The following ETV6 variants were observed in gnomAD, a reference collection of about 807,000 sequenced individuals.
ETV6 encodes the protein transcription factor ETV6.
Under a neutral mutation model 51.1 loss-of-function variants are expected in ETV6, and 16 were observed. That is an observed-to-expected ratio of 0.31 (90% confidence interval 0.21 to 0.48). The LOEUF (loss-of-function observed/expected upper bound fraction) is 0.48, where lower values mean the gene tolerates loss of function less well. Among genes scored for constraint, ETV6 ranks in the 20% least tolerant of loss-of-function variants. The pLI, the probability that ETV6 is intolerant of heterozygous loss-of-function variation, is 0.99. For missense variants in ETV6, 458 were observed against 594.8 expected, an observed-to-expected ratio of 0.77 and a Z score of 2.39; for synonymous variants, 240 against 224.1, an observed-to-expected ratio of 1.07 and a Z score of -0.64.
chr12:11,770,379 C>T (rs956023918), intron 2 of ETV6, among the ~76,000 whole-genome samples: 1 of 151,960 alleles, frequency 6.6e-6, no homozygotes, highest in Admixed American at 6.6e-5. Context: ...CTCACGCTTA[C>T]TAGATGCTGG....
intron 2 of ETV6, among the ~76,000 whole-genome samples, chr12:11,827,802 T>C (rs1946180923): frequency 6.6e-6 from 1 of 151,812 alleles, no homozygotes; most frequent in African/African-American, 2.4e-5. Flanking sequence ...TTCTGCAGAC[T>C]GTGCCGGGCA....
intron 1 of ETV6, among the ~76,000 whole-genome samples, chr12:11,713,763 C>T (rs1865217427): frequency 6.6e-6 from 1 of 152,216 alleles, no homozygotes; most frequent in East Asian, 1.9e-4. Context: ...CCCACTAGGA[C>T]AGTGGTTCTT....
chr12:11,706,622 C>T (rs919788993), intron 1 of ETV6, among the ~76,000 whole-genome samples: 2 of 152,182 alleles, frequency 1.3e-5, no homozygotes, highest in Non-Finnish European at 2.9e-5. Flanking sequence ...GATAGTAGGG[C>T]CACCTGCACT....
intron 2 of ETV6, among the ~76,000 whole-genome samples, chr12:11,808,444 C>CA (rs76127717): frequency 0.044 from 6,038 of 135,774 alleles, 392 homozygotes; most frequent in African/African-American, 0.15. Flanking sequence ...AAACAAAAAA[C>CA]AAAAAAAAAA....
chr12:11,772,583 ACT>A (rs1945257738), intron 2 of ETV6, among the ~76,000 whole-genome samples: 1 of 152,220 alleles, frequency 6.6e-6, no homozygotes, highest in African/African-American at 2.4e-5. Context: ...GTTAAACTAC[ACT>A]GAGTCAAGGA....
intron 1 of ETV6, among the ~76,000 whole-genome samples, chr12:11,747,867 T>A (rs902665943): frequency 6.6e-6 from 1 of 152,202 alleles, no homozygotes; most frequent in African/African-American, 2.4e-5. Flanking sequence ...CCACTTGAAA[T>A]TTTTGCAGCC....
rs553741975 is a variant in ETV6, at chr12:11,869,643, A to G, written c.683A>G (p.Asn228Ser). The change falls in exon 5 of 8, where the codon AAC (asparagine) becomes AGC (serine). Residue 228 changes from asparagine (N) to serine (S), a missense_variant. This residue lies in a region of ETV6 where 293 missense variants were observed against 315.7 expected (regional missense o/e 0.93). Coordinates refer to ENST00000396373, the MANE Select transcript of ETV6 (RefSeq NM_001987.5). The surrounding 1 kb of genome is among the most constrained non-coding windows in gnomAD (Gnocchi z 5.0). The part of the protein sequence containing the change: ...AQGPRPHQEN[N>S]HQESYPLSVS... ...GGACCCAGGCCGCACCAGGAGAACA[A>G]CCACCAGGAGTCCTACCCTCTGTCA... is the stretch of plus-strand genomic sequence containing the variant. The G allele has an allele frequency of 6.2e-7, 1 of 1,614,134 alleles. No homozygotes were observed. Among genetic ancestry groups the G allele is most frequent in the Admixed American group, 1.7e-5 (1 of 60,020 alleles).
At chr12:11,667,540 T>TCTTTC (rs1555111944) in intron 1 of ETV6, among the ~76,000 whole-genome samples, 1 of 131,122 alleles carries the variant, frequency 7.6e-6, no homozygotes, top group African/African-American at 2.9e-5. Flanking sequence ...TTATTTTCTT[T>TCTTTC]TTTTTTTTTT....
At chr12:11,701,733 T>C (rs1765182084) in intron 1 of ETV6, among the ~76,000 whole-genome samples, 1 of 152,112 alleles carries the variant, frequency 6.6e-6, no homozygotes, top group South Asian at 2.1e-4. Flanking sequence ...GAAAACCGGG[T>C]ACTCAGCTAA....
In ETV6 at chr12:11,724,276, C is replaced by T. The variant is rs80270064; in HGVS notation, c.34-28174C>T. Among the ~76,000 whole-genome samples, 1,109 of 152,272 alleles carry T rather than the reference C, an allele frequency of 7.3e-3. 4 individuals are homozygous for T. Among genetic ancestry groups the T allele is most frequent in the Non-Finnish European group, 0.011 (756 of 68,016 alleles). On this transcript the variant is annotated intron_variant, in intron 1 of 7. Transcript: ENST00000396373. Reference sequence around the variant, plus strand: ...TACAGCAAGGTTTAAGGTTTCCATGCGCAGCCTTCTTGGCAGGCAGCTCCC... The same window carrying T: ...TACAGCAAGGTTTAAGGTTTCCATGTGCAGCCTTCTTGGCAGGCAGCTCCC...
In ETV6 at chr12:11,895,335, G is replaced by C. The variant is rs1947377326; in HGVS notation, c.*4289G>C. The stretch of plus-strand genomic sequence containing the variant: ...TGCCTTTTCTCAGGGCCAGTGAGTT[G>C]CAAATAATTTTTAAAGAAAAGCCTA... On this transcript the variant is annotated 3_prime_UTR_variant, in exon 8 of 8. Transcript: ENST00000396373. 1 of 227,266 alleles carries C rather than the reference G, an allele frequency of 4.4e-6. No individual in the cohort carries two copies. Among genetic ancestry groups the C allele is most frequent in the Non-Finnish European group, 8.7e-6 (1 of 115,196 alleles). 14.1% of individuals were successfully genotyped at this position (227,266 alleles called of 1,614,324 possible). A position where few individuals can be genotyped will look rare whatever the true frequency, so the allele number is the denominator to read the frequency against.
intron 1 of ETV6, among the ~76,000 whole-genome samples, chr12:11,715,583 G>A (rs1283507495): frequency 6.6e-6 from 1 of 152,250 alleles, no homozygotes; most frequent in Non-Finnish European, 1.5e-5. Flanking sequence ...CAGCTACGCT[G>A]TGCCATCTAC....
intron 2 of ETV6, among the ~76,000 whole-genome samples, chr12:11,777,312 ATC>A (rs1051681011): frequency 1.3e-5 from 2 of 151,972 alleles, no homozygotes; most frequent in Admixed American, 6.6e-5. Flanking sequence ...CAGGGTACAA[ATC>A]TCTCTCTTCA....
In ETV6 at chr12:11,739,270, G is replaced by A. The variant is rs547899653; in HGVS notation, c.34-13180G>A. ...TTGCTGTTGGGGAAAAGAAGGAAAA[G>A]GAACAGGGGTCAACTTCTGTCATCA... On this transcript the variant is annotated intron_variant, in intron 1 of 7. Coordinates refer to ENST00000396373, the MANE Select transcript of ETV6 (RefSeq NM_001987.5). Among the ~76,000 whole-genome samples the A allele has an allele frequency of 3.9e-5, 6 of 152,184 alleles. No homozygotes were observed. The South Asian group carries it at 8.3e-4, about 21-fold the overall frequency.
rs531451044 is a variant in ETV6 at position 11,856,028 on chromosome 12, A to G, written c.463+2467A>G. Among the ~76,000 whole-genome samples, 4 of 151,706 alleles carry G rather than the reference A, an allele frequency of 2.6e-5. No homozygotes were observed. The South Asian group carries it at 8.3e-4, about 32-fold the overall frequency. On this transcript the variant is annotated intron_variant, in intron 4 of 7. Transcript: ENST00000396373. ...TCTCATTATTTTTTTTGTTAATCTC[A>G]TTTGGAATTTAGCCCCATTTTATTC...
At chr12:11,816,634 A>G (rs1041480265) in intron 2 of ETV6, among the ~76,000 whole-genome samples, 2 of 152,118 alleles carry the variant, frequency 1.3e-5, no homozygotes, top group African/African-American at 2.4e-5. Flanking sequence ...GAGAGACCTT[A>G]ATGTATACAG....
rs542670152 is a variant in ETV6 at position 11,839,340 on chromosome 12, G to A, written c.328+36G>A. On this transcript the variant is annotated intron_variant, in intron 3 of 7. Coordinates refer to ENST00000396373, the MANE Select transcript of ETV6 (RefSeq NM_001987.5). ...GGACTCTTGGCATATGCCCAACTTG[G>A]AAAGTCTCTTAGTTAGTGGTTGGTC... 1.5e-5 allele frequency: 24 copies of A among 1,586,982 alleles called. No homozygotes were observed. In the African/African-American group the frequency reaches 3.1e-4, roughly 20 times the overall value.
intron 5 of ETV6, among the ~76,000 whole-genome samples, chr12:11,881,915 G>A (rs1947102665): frequency 6.6e-6 from 1 of 152,192 alleles, no homozygotes; most frequent in African/African-American, 2.4e-5. Flanking sequence ...TACTTAAGAT[G>A]CTTGGGTTGC....
intron 2 of ETV6, among the ~76,000 whole-genome samples, chr12:11,776,501 G>A (rs574615423): frequency 3.5e-4 from 53 of 151,620 alleles, no homozygotes; most frequent in Non-Finnish European, 6.9e-4. Flanking sequence ...TGCTGTGGCC[G>A]CCCAAAGTGC....
Sources: allele counts gnomAD v4.1 joint callset (sites outside exome capture counted in the v4.1 genomes callset), GRCh38; gene constraint gnomAD v4.1.1; regional missense constraint gnomAD v4.1.1; non-coding constraint Gnocchi (gnomAD v3.1); transcripts MANE v1.5; gene names NCBI Gene and HGNC (gene_info 2026-07-23, HGNC 2026-07-21).